KLHL8: variants seen among roughly 807,000 people sequenced by gnomAD.
The protein encoded by KLHL8 is kelch like family member 8, also known as kelch-like protein 8.
A neutral mutation model predicts 63.5 loss-of-function variants in KLHL8; 38 were observed. The ratio of observed to expected loss-of-function variants is 0.60; its 90% confidence interval spans 0.46 to 0.78. The LOEUF (loss-of-function observed/expected upper bound fraction) is 0.78. KLHL8 is among the 30% of genes least tolerant of loss of function. The probability of loss-of-function intolerance (pLI) is 0.00; values close to 1 mark genes in which losing one functional copy is unlikely to be tolerated. For synonymous variants in KLHL8, 224 were observed against 254.3 expected (o/e 0.88, Z 1.13); for missense variants, 566 against 752.4 (o/e 0.75, Z 2.90).
intron 3 of KLHL8, 24 bp from the exon 4 acceptor site, chr4:87,183,413 A>G: frequency 1.3e-6 from 2 of 1,488,424 alleles, no homozygotes; most frequent in Non-Finnish European, 1.8e-6. Flanking sequence ...TAGTTGCAAT[A>G]CAACAAATTT....
At chr4:87,196,152 A>AG (rs1212732982) in intron 1 of KLHL8, among the ~76,000 whole-genome samples, 43 of 123,766 alleles carry the variant, frequency 3.5e-4, no homozygotes, top group African/African-American at 8.8e-4. Flanking sequence ...CTTAACTGGG[A>AG]GTTTTTTTTT....
At chr4:87,206,435 T>C (rs537360952) in intron 1 of KLHL8, among the ~76,000 whole-genome samples, 5 of 152,246 alleles carry the variant, frequency 3.3e-5, no homozygotes, top group Non-Finnish European at 5.9e-5. Flanking sequence ...ATTCATTTTT[T>C]ACATAAAGTA....
At chr4:87,194,841 C>G (rs1354236945) in intron 2 of KLHL8, among the ~76,000 whole-genome samples, 1 of 151,914 alleles carries the variant, frequency 6.6e-6, no homozygotes, top group Non-Finnish European at 1.5e-5. Context: ...ATAAACAATC[C>G]CACTTAACAG....
chr4:87,231,753 T>C (rs1560725596), intron 1 of KLHL8, among the ~76,000 whole-genome samples: 1 of 152,160 alleles, frequency 6.6e-6, no homozygotes, highest in Non-Finnish European at 1.5e-5. Context: ...TGAACCACCA[T>C]GCCCAGCCAA....
intron 1 of KLHL8, among the ~76,000 whole-genome samples, chr4:87,230,029 A>C (rs897113090): frequency 6.6e-5 from 10 of 152,106 alleles, no homozygotes; most frequent in Non-Finnish European, 1.5e-4. Flanking sequence ...CAGTCAGGTC[A>C]CTGGCAGAAA....
chr4:87,185,225 G>C, intron 3 of KLHL8, 26 bp downstream of exon 3: 1 of 1,568,686 alleles, frequency 6.4e-7, no homozygotes, highest in Non-Finnish European at 8.7e-7. Flanking sequence ...CTTCATTTCT[G>C]TGTGAAATCT....
intron 4 of KLHL8, among the ~76,000 whole-genome samples, chr4:87,179,360 C>G (rs1730959177): frequency 6.6e-6 from 1 of 152,182 alleles, no homozygotes; most frequent in Non-Finnish European, 1.5e-5. Flanking sequence ...ACTTAGCTGT[C>G]TTTTTGCTTT....
chr4:87,219,586 G>A (rs1287031150), intron 1 of KLHL8: 1 of 152,216 alleles, frequency 6.6e-6, no homozygotes, highest in African/African-American at 2.4e-5. Context: ...CTGCCAAGAG[G>A]GAAAAACAGT....
At chr4:87,176,593 A>G (rs1730824060) in intron 6 of KLHL8, among the ~76,000 whole-genome samples, 164 bp downstream of exon 6, 1 of 152,262 alleles carries the variant, frequency 6.6e-6, no homozygotes, top group Admixed American at 6.5e-5. Flanking sequence ...CTTAAAAAAA[A>G]TAAAAGGTGT....
chr4:87,183,075 G>A (rs563851184), intron 4 of KLHL8, 128 bp downstream of exon 4: 5 of 573,092 alleles, frequency 8.7e-6, no homozygotes, highest in South Asian at 3.8e-5. Flanking sequence ...ATATAAAACC[G>A]TATTTGCCAA....
At chr4:87,200,154 A>G (rs7695761) in intron 1 of KLHL8, among the ~76,000 whole-genome samples, 15,022 of 149,356 alleles carry the variant, frequency 0.1, 919 homozygotes, top group Non-Finnish European at 0.15. Flanking sequence ...AAAAAAAAAA[A>G]AAAAAAGAAA....
intron 3 of KLHL8, among the ~76,000 whole-genome samples, chr4:87,184,511 T>C (rs1311673618): frequency 2.0e-5 from 3 of 152,176 alleles, no homozygotes; most frequent in Non-Finnish European, 2.9e-5. Context: ...TATCAAGCAC[T>C]AAGTTTTAAC....
intron 6 of KLHL8, among the ~76,000 whole-genome samples, chr4:87,173,767 T>G (rs1018251081): frequency 3.3e-5 from 5 of 152,216 alleles, no homozygotes; most frequent in Admixed American, 2.0e-4. Flanking sequence ...AACAGGGATA[T>G]AAAGATTAAA....
intron 1 of KLHL8, among the ~76,000 whole-genome samples, chr4:87,198,371 T>A (rs1731782729): frequency 6.6e-6 from 1 of 152,148 alleles, no homozygotes; most frequent in African/African-American, 2.4e-5. Flanking sequence ...ATCCCCAAGC[T>A]CATAGTTTGC....
chr4:87,199,240 A>G (rs775546557), intron 1 of KLHL8, among the ~76,000 whole-genome samples: 1 of 152,202 alleles, frequency 6.6e-6, no homozygotes, highest in African/African-American at 2.4e-5. Flanking sequence ...TCAAACACAT[A>G]AAATTGTTAG....
In KLHL8 at chr4:87,162,394, A is replaced by T. The variant is rs1730208416; in HGVS notation, c.*1125T>A. The T allele has an allele frequency of 6.6e-6, 1 of 152,204 alleles. No individual in the cohort carries two copies. The highest frequency in any genetic ancestry group is 6.5e-5 in the Admixed American group (1 of 15,288). The allele number at this position is 152,204 out of a possible 1,614,324, so 9.4% of individuals were successfully genotyped here. A position where few individuals can be genotyped will look rare whatever the true frequency, so the allele number is the denominator to read the frequency against. On this transcript the variant is annotated 3_prime_UTR_variant, in exon 10 of 10. Transcript: ENST00000273963. ...AAATATTTTTAATTAAATTTCAATA[A>T]ATACACCAGAGGGATTTAAATATGA...
chr4:87,223,125 G>GTTTTGTTTTGT (rs1553950067), upstream of KLHL8, among the ~76,000 whole-genome samples: 38 of 147,830 alleles, frequency 2.6e-4, no homozygotes, highest in South Asian at 7.4e-3. Context: ...TAATTTTTTT[G>GTTTTGTTTTGT]TTTGTTTTGT....
At chr4:87,189,959 C>T (rs906887281) in intron 2 of KLHL8, among the ~76,000 whole-genome samples, 6 of 142,256 alleles carry the variant, frequency 4.2e-5, no homozygotes. Flanking sequence ...GCTTGAACCT[C>T]GGAGGCAGAG....
chr4:87,205,970 T>C (rs1278857513), intron 1 of KLHL8, among the ~76,000 whole-genome samples: 1 of 152,190 alleles, frequency 6.6e-6, no homozygotes, highest in East Asian at 1.9e-4. Context: ...ACAAAATATA[T>C]GAAAAACCAA....
Sources: gnomAD v4.1 joint callset for allele counts (sites outside exome capture counted in the v4.1 genomes callset) on GRCh38, gnomAD v4.1.1 for gene constraint, MANE v1.5 for transcripts, NCBI Gene and HGNC (gene_info 2026-07-23, HGNC 2026-07-21) for gene names.